Variants in SERPINI1 observed in about 807,000 individuals in gnomAD.
SERPINI1 encodes serpin family I member 1, also known as neuroserpin.
SERPINI1 carries 19 observed loss-of-function variants against 41.1 expected under a neutral mutation model. That is an observed-to-expected ratio of 0.46 (90% CI 0.32 to 0.68). SERPINI1 has a LOEUF of 0.68. Ranked by LOEUF, SERPINI1 falls within the 30% of genes least tolerant of loss-of-function variation. The pLI, the probability that SERPINI1 is intolerant of heterozygous loss-of-function variation, is 0.03. For synonymous variants in SERPINI1, 138 were observed against 156.6 expected (o/e 0.88, Z 0.89); for missense variants, 460 against 479.2 (o/e 0.96, Z 0.37).
chr3:167,738,015 T>G (rs904665909), intron 1 of SERPINI1, among the ~76,000 whole-genome samples: 7 of 152,150 alleles, frequency 4.6e-5, no homozygotes, highest in African/African-American at 1.7e-4. Context: ...ATGGCATTTA[T>G]TTTTTACCTT....
intron 1 of SERPINI1, among the ~76,000 whole-genome samples, chr3:167,773,411 A>G (rs964017508): frequency 6.7e-6 from 1 of 148,488 alleles, no homozygotes; most frequent in South Asian, 2.1e-4. Flanking sequence ...GAACTACAAT[A>G]TTTCCCCTAC....
At chr3:167,783,086 A>C (rs756063351) in intron 1 of SERPINI1, among the ~76,000 whole-genome samples, 1 of 152,188 alleles carries the variant, frequency 6.6e-6, no homozygotes, top group Non-Finnish European at 1.5e-5. Context: ...TATCAAGACA[A>C]TTGATCTGGA....
chr3:167,748,030 A>C (rs1011433138), intron 1 of SERPINI1, among the ~76,000 whole-genome samples: 1 of 152,080 alleles, frequency 6.6e-6, no homozygotes, highest in East Asian at 1.9e-4. Flanking sequence ...AGCTTATCTT[A>C]ATACTTCTTT....
At chr3:167,749,347 A>G (rs7612014) in intron 1 of SERPINI1, among the ~76,000 whole-genome samples, 31,927 of 151,950 alleles carry the variant, frequency 0.21, 3,580 homozygotes, top group African/African-American at 0.24. Flanking sequence ...GAAGACATCT[A>G]TGCTTTTTAC....
At chr3:167,748,752 C>CTGTGTGTGTGTGTGTGTG (rs34438429) in intron 1 of SERPINI1, among the ~76,000 whole-genome samples, 5 of 143,548 alleles carry the variant, frequency 3.5e-5, no homozygotes, top group Non-Finnish European at 3.0e-5. Context: ...GTGTGTTACT[C>CTGTGTGTGTGTGTGTGTG]TGTGTGTGTG....
chr3:167,753,162 G>A (rs757329082), intron 1 of SERPINI1, among the ~76,000 whole-genome samples: 13 of 152,004 alleles, frequency 8.6e-5, no homozygotes, highest in Non-Finnish European at 1.8e-4. Context: ...CTTGAGGAAA[G>A]CCAGATGTTC....
At chr3:167,747,792 A>T (rs1725910032) in intron 1 of SERPINI1, among the ~76,000 whole-genome samples, 1 of 152,228 alleles carries the variant, frequency 6.6e-6, no homozygotes, top group South Asian at 2.1e-4. Flanking sequence ...AGATAGAATT[A>T]TGAGGAACCC....
chr3:167,812,126 A>T (rs559038170), intron 6 of SERPINI1, among the ~76,000 whole-genome samples: 1 of 152,262 alleles, frequency 6.6e-6, no homozygotes, highest in Non-Finnish European at 1.5e-5. Context: ...TGAGACTCTC[A>T]TTACTGCTGT....
intron 1 of SERPINI1, among the ~76,000 whole-genome samples, chr3:167,743,681 T>C (rs538317447): frequency 1.3e-5 from 2 of 152,252 alleles, no homozygotes; most frequent in East Asian, 3.9e-4. Flanking sequence ...TAACAAAATA[T>C]ATAAAATTAC....
intron 1 of SERPINI1, among the ~76,000 whole-genome samples, chr3:167,743,241 T>G (rs912631629): frequency 2.0e-5 from 3 of 152,132 alleles, no homozygotes. Flanking sequence ...TAAAAATTTA[T>G]TACCCTAGAA....
At chr3:167,816,583 A>C (rs1712096802) in intron 6 of SERPINI1, among the ~76,000 whole-genome samples, 1 of 152,192 alleles carries the variant, frequency 6.6e-6, no homozygotes, top group Non-Finnish European at 1.5e-5. Flanking sequence ...AGACCCTGCT[A>C]TATGCCAGAA....
rs1727883911 is a variant in SERPINI1, at chr3:167,801,059, C to G, written c.882-6185C>G. ...TCTCGAACTCCTGACCTCAGGTGAT[C>G]CACCTGCCTCGGCCTCCCAAAGTGC... On this transcript the variant is annotated intron_variant, in intron 5 of 8. Transcript: ENST00000446050. 2.6e-5 allele frequency among the ~76,000 whole-genome samples: 4 copies of G among 152,308 alleles called. No individual in the cohort carries two copies. In the South Asian group the frequency reaches 8.3e-4, roughly 32 times the overall value.
At chr3:167,777,226 C>G (rs778878215) in intron 1 of SERPINI1, among the ~76,000 whole-genome samples, 1 of 152,318 alleles carries the variant, frequency 6.6e-6, no homozygotes, top group South Asian at 2.1e-4. Context: ...CACGTTCTCT[C>G]TCTACTACTA....
chr3:167,741,387 A>AGT, intron 1 of SERPINI1, among the ~76,000 whole-genome samples: 1 of 152,272 alleles, frequency 6.6e-6, no homozygotes, highest in Non-Finnish European at 1.5e-5. Context: ...TTCAATGAGT[A>AGT]CCTATCAACT....
At chr3:167,825,161 A>G (rs769411657) in intron 8 of SERPINI1, 86 bp from the exon 9 acceptor site, 26 of 902,476 alleles carry the variant, frequency 2.9e-5, no homozygotes, top group South Asian at 2.5e-4. Flanking sequence ...AAAATAACAT[A>G]TTTTCATTAA....
chr3:167,783,811 C>G (rs1727217645), intron 1 of SERPINI1, among the ~76,000 whole-genome samples: 1 of 152,218 alleles, frequency 6.6e-6, no homozygotes, highest in South Asian at 2.1e-4. Flanking sequence ...TGCTTGCAAG[C>G]TGGACATCTT....
At chr3:167,761,626 C>T (rs1403698442) in intron 1 of SERPINI1, among the ~76,000 whole-genome samples, 1 of 152,172 alleles carries the variant, frequency 6.6e-6, no homozygotes, top group African/African-American at 2.4e-5. Flanking sequence ...TGCTTCAATA[C>T]ACTCAATAAT....
intron 6 of SERPINI1, among the ~76,000 whole-genome samples, chr3:167,813,124 C>T (rs532495993): frequency 6.6e-6 from 1 of 152,336 alleles, no homozygotes; most frequent in East Asian, 1.9e-4. Context: ...TGGACCTACT[C>T]TTACCCTCTG....
chr3:167,759,798 A>C (rs2108539430), intron 1 of SERPINI1, among the ~76,000 whole-genome samples: 1 of 152,262 alleles, frequency 6.6e-6, no homozygotes, highest in African/African-American at 2.4e-5. Flanking sequence ...AATGAATGAG[A>C]CTGAGTTCCA....
Sources: gnomAD v4.1 joint callset for allele counts (sites outside exome capture counted in the v4.1 genomes callset) on GRCh38, gnomAD v4.1.1 for gene constraint, MANE v1.5 for transcripts, NCBI Gene and HGNC (gene_info 2026-07-23, HGNC 2026-07-21) for gene names.